BCAS1: variants seen among roughly 807,000 people sequenced by gnomAD.
The protein encoded by BCAS1 is brain enriched myelin associated protein 1, also known as breast carcinoma-amplified sequence 1.
A neutral mutation model predicts 65.4 loss-of-function variants in BCAS1; 46 were observed. That is an observed-to-expected ratio of 0.70 (90% CI 0.55 to 0.90). The LOEUF (loss-of-function observed/expected upper bound fraction) is 0.90. Among genes scored for constraint, BCAS1 ranks in the 40% least tolerant of loss-of-function variants. The pLI, the probability that BCAS1 is intolerant of heterozygous loss-of-function variation, is 0.00. For synonymous variants in BCAS1, 298 were observed against 293.5 expected (o/e 1.02, Z -0.16); for missense variants, 793 against 771.2 (o/e 1.03, Z -0.33).
intron 7 of BCAS1, among the ~76,000 whole-genome samples, chr20:53,985,833 C>A (rs1422325782): frequency 9.9e-5 from 15 of 152,172 alleles, no homozygotes. Flanking sequence ...CAAATGGTTT[C>A]AATCAAGTTC....
At chr20:53,982,272 C>A (rs2090502276) in intron 8 of BCAS1, among the ~76,000 whole-genome samples, 1 of 152,126 alleles carries the variant, frequency 6.6e-6, no homozygotes, top group Admixed American at 6.5e-5. Flanking sequence ...TATGTAAGGT[C>A]ACAGAGCAAG....
At position 53,944,680 on chromosome 20, in the gene BCAS1, G is replaced by A. The variant is rs2089251015; in HGVS notation, c.*242C>T. 1.0e-5 allele frequency: 5 copies of A among 480,158 alleles called. No homozygotes were observed. In the East Asian group the frequency reaches 1.8e-4, roughly 17 times the overall value. The allele number at this position is 480,158 out of a possible 1,614,324, so 29.7% of individuals were successfully genotyped here. On this transcript the variant is annotated 3_prime_UTR_variant, in exon 13 of 13. Transcript: ENST00000688948. ...CTCCCTTTCCTGCTTGGTGATCATC[G>A]ACTCTTCTGACCCAACTAGGTGACC...
chr20:54,040,690 C>T (rs1189884250), intron 3 of BCAS1, among the ~76,000 whole-genome samples: 1 of 151,100 alleles, frequency 6.6e-6, no homozygotes, highest in African/African-American at 2.4e-5. Context: ...AGACAATAAC[C>T]AGTGGTAGGG....
intron 10 of BCAS1, among the ~76,000 whole-genome samples, chr20:53,959,736 G>A (rs1456547088): frequency 6.6e-6 from 1 of 152,134 alleles, no homozygotes; most frequent in African/African-American, 2.4e-5. Flanking sequence ...TGGAAGTTCC[G>A]TGTACTGAGG....
intron 4 of BCAS1, among the ~76,000 whole-genome samples, chr20:54,013,217 G>T (rs1043346630): frequency 6.6e-6 from 1 of 152,140 alleles, no homozygotes; most frequent in Non-Finnish European, 1.5e-5. Flanking sequence ...TTAAATAAAA[G>T]ATGTAGGAAA....
chr20:54,021,480 T>C lies in BCAS1; in HGVS notation c.723+6912A>G, dbSNP rs187781253. Among the ~76,000 whole-genome samples, 450 of 148,452 alleles carry C rather than the reference T, an allele frequency of 3.0e-3. 3 individuals carry two copies. The highest frequency in any genetic ancestry group is 0.011 in the African/African-American group (432 of 40,700). On this transcript the variant is annotated intron_variant, in intron 4 of 12. Coordinates refer to ENST00000688948, the MANE Select transcript of BCAS1 (RefSeq NM_001366298.2). ...ACATTTTCTTTACCCAGTCTATTGT[T>C]GATGGGCATTTGGGTTGATTCCATG... is the stretch of plus-strand genomic sequence containing the variant.
At chr20:53,948,811 G>A (rs373546648) in intron 12 of BCAS1, among the ~76,000 whole-genome samples, 1 of 152,130 alleles carries the variant, frequency 6.6e-6, no homozygotes, top group African/African-American at 2.4e-5. Context: ...TAGGTCATGC[G>A]GTAACGGCCT....
intron 8 of BCAS1, among the ~76,000 whole-genome samples, chr20:53,978,029 TCCCTCCC>T (rs2090379376): frequency 8.7e-6 from 1 of 115,498 alleles, no homozygotes; most frequent in Admixed American, 9.5e-5. Context: ...CCCAATGATA[TCCCTCCC>T]CCCTCCCCCC....
chr20:53,948,633 T>G (rs2089412006), intron 12 of BCAS1, among the ~76,000 whole-genome samples: 1 of 152,190 alleles, frequency 6.6e-6, no homozygotes, highest in Admixed American at 6.5e-5. Flanking sequence ...GAGACATAAA[T>G]GCAACCCCTT....
At chr20:53,947,197 TAAAATGGG>T (rs2145447905) in intron 12 of BCAS1, among the ~76,000 whole-genome samples, 1 of 152,316 alleles carries the variant, frequency 6.6e-6, no homozygotes, top group South Asian at 2.1e-4. Flanking sequence ...TTACCGTTGA[TAAAATGGG>T]AATTCACAGG....
At chr20:54,038,385 C>A (rs1807489936) in intron 3 of BCAS1, among the ~76,000 whole-genome samples, 2 of 151,158 alleles carry the variant, frequency 1.3e-5, no homozygotes, top group South Asian at 4.2e-4. Flanking sequence ...ACCTGTAAGC[C>A]CCAAGTGGAC....
At chr20:53,956,697 C>G (rs1261359001) in intron 11 of BCAS1, among the ~76,000 whole-genome samples, 2 of 150,942 alleles carry the variant, frequency 1.3e-5, no homozygotes, top group African/African-American at 2.4e-5. Flanking sequence ...AGGATTTGAA[C>G]CAGACAGTTT....
At chr20:54,018,448 T>G (rs1195967418) in intron 4 of BCAS1, among the ~76,000 whole-genome samples, 4 of 150,118 alleles carry the variant, frequency 2.7e-5, no homozygotes, top group Non-Finnish European at 3.0e-5. Context: ...GTCATTCTCC[T>G]GCCTCAGCCT....
intron 11 of BCAS1, among the ~76,000 whole-genome samples, chr20:53,954,254 G>A (rs572426190): frequency 1.1e-4 from 16 of 149,546 alleles, no homozygotes; most frequent in African/African-American, 1.5e-4. Context: ...AAATCTCCCC[G>A]AAAAGGAAGC....
intron 4 of BCAS1, among the ~76,000 whole-genome samples, chr20:54,022,986 T>A (rs942157229): frequency 6.6e-6 from 1 of 152,228 alleles, no homozygotes; most frequent in Non-Finnish European, 1.5e-5. Context: ...TAATGTAAGA[T>A]GGATTTTCCC....
At chr20:53,987,024 C>T (rs1125895) in intron 7 of BCAS1, among the ~76,000 whole-genome samples, 25,745 of 152,164 alleles carry the variant, frequency 0.17, 2,200 homozygotes, top group South Asian at 0.21. Flanking sequence ...ATCTGCCCAA[C>T]GCTGAACAAG....
chr20:53,980,704 CTCTTTGAGCA>C (rs2090455512), intron 8 of BCAS1, among the ~76,000 whole-genome samples: 1 of 152,192 alleles, frequency 6.6e-6, no homozygotes, highest in South Asian at 2.1e-4. Context: ...TTATAGCGTC[CTCTTTGAGCA>C]TCTTTGAGCC....
intron 1 of BCAS1, among the ~76,000 whole-genome samples, chr20:54,070,002 G>A (rs1461445840): frequency 9.9e-5 from 15 of 152,118 alleles, no homozygotes; most frequent in African/African-American, 3.6e-4. Context: ...CCTTTTTCTT[G>A]TCCTCCCACT....
In BCAS1 at chr20:53,975,378, G is replaced by A. The variant is rs1281620963; in HGVS notation, c.1317+11C>T. On this transcript the variant is annotated intron_variant, in intron 9 of 12. Transcript: ENST00000688948. ...GAATGGAATGATTCTGCCGTGGTGT[G>A]TGTAACTTACATTCTCCTCCGCACC... The A allele has an allele frequency of 2.2e-5, 35 of 1,609,692 alleles. No homozygotes were observed. The Admixed American group carries it at 5.7e-4, about 26-fold the overall frequency.
Sources: allele counts gnomAD v4.1 joint callset (sites outside exome capture counted in the v4.1 genomes callset), GRCh38; gene constraint gnomAD v4.1.1; transcripts MANE v1.5; gene names NCBI Gene and HGNC (gene_info 2026-07-23, HGNC 2026-07-21).